ARHGAP39: variants seen among roughly 807,000 people sequenced by gnomAD.
The protein encoded by ARHGAP39 is Rho GTPase activating protein 39, also known as rho GTPase-activating protein 39.
ARHGAP39 carries 44 observed loss-of-function variants against 106.9 expected under a neutral mutation model. The observed-to-expected ratio is 0.41, with a 90% CI of 0.32 to 0.53. The LOEUF is 0.53. Ranked by LOEUF, ARHGAP39 falls within the 20% of genes least tolerant of loss-of-function variation. The probability of loss-of-function intolerance (pLI) is 0.21; values close to 1 mark genes in which losing one functional copy is unlikely to be tolerated. For synonymous variants in ARHGAP39, 768 were observed against 693.2 expected, an observed-to-expected ratio of 1.11 and a Z score of -1.69; for missense variants, 1,496 against 1,577.3, an observed-to-expected ratio of 0.95 and a Z score of 0.87.
In ARHGAP39 at chr8:144,529,877, C is replaced by T. The variant is rs1228819384; in HGVS notation, c.*545G>A. The T allele has an allele frequency of 6.6e-6, 1 of 152,412 alleles. No homozygotes were observed. Among genetic ancestry groups the T allele is most frequent in the Non-Finnish European group, 1.5e-5 (1 of 68,286 alleles). The allele number at this position is 152,412 out of a possible 1,614,324, so 9.4% of individuals were successfully genotyped here. A position where few individuals can be genotyped will look rare whatever the true frequency, so the allele number is the denominator to read the frequency against. ...CCCCACCCACCGAGAGCCTGCCAGGCCCCGGGCCCACTGTCCTGGAGCCCC... is the reference window on the plus strand; with the variant it reads ...CCCCACCCACCGAGAGCCTGCCAGGTCCCGGGCCCACTGTCCTGGAGCCCC... On this transcript the variant is annotated 3_prime_UTR_variant, in exon 12 of 12. Coordinates refer to ENST00000377307, the MANE Select transcript of ARHGAP39 (RefSeq NM_025251.3).
intron 2 of ARHGAP39, among the ~76,000 whole-genome samples, chr8:144,583,823 C>T (rs926946530): frequency 2.6e-5 from 4 of 152,210 alleles, no homozygotes; most frequent in African/African-American, 7.2e-5. Context: ...ATATTATCTT[C>T]CTATAAAATG....
chr8:144,637,107 T>C (rs1312065136), intron 1 of ARHGAP39, among the ~76,000 whole-genome samples: 2 of 152,224 alleles, frequency 1.3e-5, no homozygotes, highest in African/African-American at 4.8e-5. Context: ...CTCTGGGACA[T>C]TTTGTTCAGT....
At chr8:144,665,028 T>C (rs2129700997) in intron 1 of ARHGAP39, among the ~76,000 whole-genome samples, 1 of 152,300 alleles carries the variant, frequency 6.6e-6, no homozygotes, top group South Asian at 2.1e-4. Context: ...GTTGAACGGT[T>C]GACAAAAATG....
At chr8:144,601,308 CTGTG>C (rs200314249) in intron 2 of ARHGAP39, among the ~76,000 whole-genome samples, 125 of 122,008 alleles carry the variant, frequency 1.0e-3, no homozygotes, top group African/African-American at 2.5e-3. Flanking sequence ...GCTCATGTAC[CTGTG>C]TGTGTGTGTG....
intron 1 of ARHGAP39, among the ~76,000 whole-genome samples, chr8:144,606,110 C>CA (rs1820282971): frequency 6.6e-6 from 1 of 152,226 alleles, no homozygotes; most frequent in African/African-American, 2.4e-5. Context: ...TCAGTGTCCC[C>CA]AGCTGTCCAC....
rs1170118676 is a variant in ARHGAP39 at position 144,532,320 on chromosome 8, C to G, written c.2965G>C (p.Asp989His). Reference protein sequence around the residue: ...DQWKVPTGLEDPHVPASLLKL... With the variant: ...DQWKVPTGLEHPHVPASLLKL... ...GGGGACTCACCAGGGACGTGGGGGT[C>G]TTCCAGGCCTGTGGGCACCTTCCAC... The change falls in exon 10 of 12, where the codon GAC (aspartate) becomes CAC (histidine). Residue 989 changes from aspartate (D) to histidine (H), a missense_variant. Transcript: ENST00000377307. 1 of 1,612,860 alleles carries G rather than the reference C, an allele frequency of 6.2e-7. No homozygotes were observed. The highest frequency in any genetic ancestry group is 8.5e-7 in the Non-Finnish European group (1 of 1,179,752).
chr8:144,637,017 A>C (rs1821188088), intron 1 of ARHGAP39, among the ~76,000 whole-genome samples: 1 of 152,214 alleles, frequency 6.6e-6, no homozygotes, highest in African/African-American at 2.4e-5. Flanking sequence ...ATCTGTTCTC[A>C]GGGTCTAGGA....
intron 1 of ARHGAP39, among the ~76,000 whole-genome samples, chr8:144,615,236 G>C (rs997374096): frequency 6.6e-6 from 1 of 152,068 alleles, no homozygotes; most frequent in Non-Finnish European, 1.5e-5. Context: ...TGAGAGGATC[G>C]CTGACCCCAG....
chr8:144,629,525 T>C (rs1821010324), intron 1 of ARHGAP39, among the ~76,000 whole-genome samples: 1 of 152,220 alleles, frequency 6.6e-6, no homozygotes, highest in South Asian at 2.1e-4. Context: ...TCATCCTGCA[T>C]GAGCTACCCA....
intron 1 of ARHGAP39, among the ~76,000 whole-genome samples, chr8:144,617,894 G>C (rs1012302485): frequency 2.0e-5 from 3 of 152,116 alleles, no homozygotes; most frequent in Admixed American, 2.0e-4. Context: ...TGATGCTCCA[G>C]CCTCAGTCTC....
intron 2 of ARHGAP39, among the ~76,000 whole-genome samples, chr8:144,597,211 G>A (rs2130924001): frequency 6.6e-6 from 1 of 152,332 alleles, no homozygotes; most frequent in East Asian, 1.9e-4. Context: ...GAAGCCAGCA[G>A]GAGATGCGTT....
intron 10 of ARHGAP39, among the ~76,000 whole-genome samples, 185 bp downstream of exon 10, chr8:144,532,120 G>A (rs1052897208): frequency 6.6e-6 from 1 of 151,926 alleles, no homozygotes; most frequent in African/African-American, 2.4e-5. Context: ...GGTAGGCCTC[G>A]GGGTGCCCAG....
At chr8:144,535,418 T>G (rs191026492) in intron 7 of ARHGAP39, among the ~76,000 whole-genome samples, 2 of 152,246 alleles carry the variant, frequency 1.3e-5, no homozygotes, top group Non-Finnish European at 2.9e-5. Flanking sequence ...GCCTCCAGCG[T>G]GGGACCATGT....
intron 1 of ARHGAP39, among the ~76,000 whole-genome samples, chr8:144,667,683 C>G (rs1261593936): frequency 6.6e-6 from 1 of 152,204 alleles, no homozygotes; most frequent in East Asian, 1.9e-4. Flanking sequence ...AGTCATGGCA[C>G]CTGGACTTGA....
intron 3 of ARHGAP39, among the ~76,000 whole-genome samples, chr8:144,564,806 T>C (rs1818330437): frequency 7.0e-6 from 1 of 142,144 alleles, no homozygotes; most frequent in African/African-American, 2.7e-5. Flanking sequence ...CATAGTGAGA[T>C]CTCTAAAAAA....
chr8:144,558,019 G>A (rs965258998), intron 3 of ARHGAP39, among the ~76,000 whole-genome samples: 4 of 152,192 alleles, frequency 2.6e-5, no homozygotes, highest in Non-Finnish European at 5.9e-5. Flanking sequence ...CCTCACTTAC[G>A]TACCACCTGC....
chr8:144,585,727 G>A lies in ARHGAP39; in HGVS notation c.81-4450C>T, dbSNP rs1352526746. ...GCCTGGGCCTCCCGAGGATGTCGCTGGTTGTGGCAGTCGGCTGTACACACC... is the reference window on the plus strand; with the variant it reads ...GCCTGGGCCTCCCGAGGATGTCGCTAGTTGTGGCAGTCGGCTGTACACACC... On this transcript the variant is annotated intron_variant, in intron 2 of 11. Transcript: ENST00000377307. This position sits in a 1 kb window ranked among gnomAD's most constrained non-coding sequence, Gnocchi z 4.6. Among the ~76,000 whole-genome samples the A allele has an allele frequency of 1.3e-5, 2 of 152,212 alleles. No individual in the cohort carries two copies. The highest frequency in any genetic ancestry group is 2.9e-5 in the Non-Finnish European group (2 of 68,038).
chr8:144,562,860 T>C (rs1264428233), intron 3 of ARHGAP39, among the ~76,000 whole-genome samples: 1 of 152,238 alleles, frequency 6.6e-6, no homozygotes, highest in Non-Finnish European at 1.5e-5. Flanking sequence ...ACTCCAGTGG[T>C]TTCCACAGAC....
At chr8:144,561,419 C>T (rs1818149021) in intron 3 of ARHGAP39, among the ~76,000 whole-genome samples, 1 of 147,682 alleles carries the variant, frequency 6.8e-6, no homozygotes, top group Non-Finnish European at 1.5e-5. Flanking sequence ...CCAGTGGTTT[C>T]CATCACACTC....
Sources: allele counts gnomAD v4.1 joint callset (sites outside exome capture counted in the v4.1 genomes callset), GRCh38; gene constraint gnomAD v4.1.1; non-coding constraint Gnocchi (gnomAD v3.1); transcripts MANE v1.5; gene names NCBI Gene and HGNC (gene_info 2026-07-23, HGNC 2026-07-21).